Variants in WDR20 observed in about 807,000 individuals in gnomAD.
WDR20 encodes WD repeat-containing protein 20.
A neutral mutation model predicts 38.7 loss-of-function variants in WDR20; 3 were observed. The ratio of observed to expected loss-of-function variants is 0.08; its 90% CI spans 0.04 to 0.20. WDR20 has a LOEUF of 0.20. WDR20 is among the 10% of genes least tolerant of loss of function. The pLI, the probability that WDR20 is intolerant of heterozygous loss-of-function variation, is 1.00. For synonymous variants in WDR20, 298 were observed against 285.6 expected (o/e 1.04, Z -0.44); for missense variants, 559 against 727.7 (o/e 0.77, Z 2.67).
chr14:102,179,441 TA>T (rs5811061), intron 1 of WDR20, among the ~76,000 whole-genome samples: 104,907 of 136,038 alleles, frequency 0.77, 41,536 homozygotes, highest in East Asian at 0.96. Flanking sequence ...TTTTTTTTTC[TA>T]AAAAAAAAAA....
chr14:102,217,176 C>T (rs1567097566), downstream of WDR20, among the ~76,000 whole-genome samples: 1 of 152,240 alleles, frequency 6.6e-6, no homozygotes, highest in East Asian at 1.9e-4. Flanking sequence ...TCCCTTCTTC[C>T]TGCCCCACAC....
At chr14:102,217,488 C>A (rs970482017), downstream of WDR20, among the ~76,000 whole-genome samples, 1 of 152,204 alleles carries the variant, frequency 6.6e-6, no homozygotes, top group East Asian at 1.9e-4. Flanking sequence ...CTCACTGTCA[C>A]CTGTCAGTGG....
rs531037622 is a variant in WDR20 at position 102,220,981 on chromosome 14, G to A, written c.1693-1849G>A. Among the ~76,000 whole-genome samples, 153 of 152,196 alleles carry A rather than the reference G, an allele frequency of 1.0e-3. No individual in the cohort carries two copies. Among genetic ancestry groups the A allele is most frequent in the African/African-American group, 3.5e-3 (147 of 41,528 alleles). ...GGAGTTTCACCATGTTGGCCAGGCT[G>A]GTCTCAGACTCCTGGGCTCAAGTAA... On this transcript the variant is annotated intron_variant, in intron 3 of 3. Transcript: ENST00000335263. The surrounding 1 kb of genome is among the most constrained non-coding windows in gnomAD (Gnocchi z 4.2).
At chr14:102,186,756 C>T (rs1165263346) in intron 1 of WDR20, among the ~76,000 whole-genome samples, 3 of 151,952 alleles carry the variant, frequency 2.0e-5, no homozygotes, top group African/African-American at 7.3e-5. Context: ...TGGAGACCAC[C>T]CTGGCTAACA....
intron 2 of WDR20, among the ~76,000 whole-genome samples, chr14:102,200,320 C>T (rs1401121591): frequency 5.3e-5 from 8 of 152,138 alleles, no homozygotes; most frequent in East Asian, 1.9e-4. Context: ...AGTATCTTGG[C>T]GCACGGTTCA....
In WDR20 at chr14:102,189,135, G is replaced by A. The variant is rs186515927; in HGVS notation, c.250-5803G>A. Among the ~76,000 whole-genome samples, 225 of 151,968 alleles carry A rather than the reference G, an allele frequency of 1.5e-3. 2 individuals are homozygous for A. The highest frequency in any genetic ancestry group is 5.1e-3 in the African/African-American group (212 of 41,448). ...TGAGGCAGGAGAATCACTTGAACCC[G>A]GGAGGCAGAGGTCGCAGTGAGCCCA... On this transcript the variant is annotated intron_variant, in intron 1 of 2. Transcript: ENST00000342702.
chr14:102,180,292 C>T (rs1283021116), intron 1 of WDR20, among the ~76,000 whole-genome samples: 2 of 152,106 alleles, frequency 1.3e-5, no homozygotes, highest in East Asian at 3.8e-4. Context: ...CCCCATTTTC[C>T]CATTTTGTGG....
chr14:102,184,604 T>G (rs2064151076), intron 1 of WDR20, among the ~76,000 whole-genome samples: 1 of 152,102 alleles, frequency 6.6e-6, no homozygotes, highest in East Asian at 1.9e-4. Flanking sequence ...GGGCTTTTGC[T>G]GGCCCCTGGG....
chr14:102,169,672 C>A (rs1378415313), intron 1 of WDR20, among the ~76,000 whole-genome samples: 1 of 151,972 alleles, frequency 6.6e-6, no homozygotes, highest in African/African-American at 2.4e-5. Flanking sequence ...GGATTACAGG[C>A]GCCTGCCACT....
chr14:102,190,235 T>C (rs1455971254), intron 1 of WDR20, among the ~76,000 whole-genome samples: 1 of 152,132 alleles, frequency 6.6e-6, no homozygotes, highest in Non-Finnish European at 1.5e-5. Flanking sequence ...ATGATGATTG[T>C]AAAGTTCCTG....
chr14:102,224,081 G>A (rs533876992), downstream of WDR20, among the ~76,000 whole-genome samples: 1,239 of 114,660 alleles, frequency 0.011, 19 homozygotes, highest in African/African-American at 0.04. Context: ...TCCCTCTGTT[G>A]TCCAGGCTGG....
At position 102,183,892 on chromosome 14, in the gene WDR20, C is replaced by T. The variant is rs114377913; in HGVS notation, c.250-11046C>T. 4.6e-3 allele frequency among the ~76,000 whole-genome samples: 695 copies of T among 152,346 alleles called. 6 individuals are homozygous for T. The highest frequency in any genetic ancestry group is 0.015 in the African/African-American group (644 of 41,572). On this transcript the variant is annotated intron_variant, in intron 1 of 2. Coordinates refer to ENST00000342702, the MANE Select transcript of WDR20 (RefSeq NM_144574.4). ...CACACAGGAATTACTCTCTGCTCTA[C>T]AATGCTCTGTAATTTACCAGTGTTG...
chr14:102,173,082 C>T (rs1297843937), intron 1 of WDR20, among the ~76,000 whole-genome samples: 1 of 151,264 alleles, frequency 6.6e-6, no homozygotes, highest in African/African-American at 2.4e-5. Context: ...TCCTCACTTC[C>T]TAGATGGGAT....
intron 1 of WDR20, among the ~76,000 whole-genome samples, chr14:102,148,625 G>C (rs1234716984): frequency 6.6e-6 from 1 of 151,650 alleles, no homozygotes; most frequent in Non-Finnish European, 1.5e-5. Context: ...TATTGTGGCG[G>C]ATGTGAAGTG....
downstream of WDR20, chr14:102,213,623 G>A (rs1396097083): frequency 8.1e-6 from 8 of 985,316 alleles, no homozygotes; most frequent in Non-Finnish European, 7.2e-6. Flanking sequence ...CTCTCCACTG[G>A]CTGACTTCAC....
intron 1 of WDR20, among the ~76,000 whole-genome samples, chr14:102,168,316 G>T (rs1299435531): frequency 1.3e-5 from 2 of 151,820 alleles, no homozygotes; most frequent in Admixed American, 1.3e-4. Context: ...TCCCCCCAAA[G>T]ATAAAAATAG....
At position 102,222,474 on chromosome 14, in the gene WDR20, C is replaced by T. The variant is rs2064009616; in HGVS notation, c.1693-356C>T. 6.6e-6 allele frequency among the ~76,000 whole-genome samples: 1 copy of T among 152,146 alleles called. No individual in the cohort carries two copies. The highest frequency in any genetic ancestry group is 1.5e-5 in the Non-Finnish European group (1 of 68,006). Reference sequence around the variant, plus strand: ...CCCTGGGCTCAACCCTGGCTGAAGGCGCTGAACACCTCCCACGAGGCACCT... The same window carrying T: ...CCCTGGGCTCAACCCTGGCTGAAGGTGCTGAACACCTCCCACGAGGCACCT... On this transcript the variant is annotated intron_variant, in intron 3 of 3. Coordinates refer to the WDR20 transcript ENST00000335263. The surrounding 1 kb of genome is among the most constrained non-coding windows in gnomAD (Gnocchi z 4.4).
intron 1 of WDR20, among the ~76,000 whole-genome samples, chr14:102,165,642 T>C (rs2059612709): frequency 6.7e-6 from 1 of 148,522 alleles, no homozygotes; most frequent in Admixed American, 6.7e-5. Flanking sequence ...TTTTCTTTTT[T>C]TTTTTTTTTT....
chr14:102,215,947 G>C (rs2063168741), downstream of WDR20, among the ~76,000 whole-genome samples: 2 of 152,188 alleles, frequency 1.3e-5, no homozygotes, highest in Non-Finnish European at 1.5e-5. Flanking sequence ...GAGTGAGGGC[G>C]AGCTGGCCTC....
Sources: gnomAD v4.1 joint callset for allele counts (sites outside exome capture counted in the v4.1 genomes callset) on GRCh38, gnomAD v4.1.1 for gene constraint, Gnocchi (gnomAD v3.1) non-coding constraint, MANE v1.5 for transcripts, NCBI Gene and HGNC (gene_info 2026-07-23, HGNC 2026-07-21) for gene names.